The following SLC5A3 variants were observed in gnomAD, a reference collection of about 807,000 sequenced individuals.
SLC5A3 encodes the protein solute carrier family 5 member 3, also known as sodium/myo-inositol cotransporter.
Under a neutral mutation model 43.2 loss-of-function variants are expected in SLC5A3, and 10 were observed. The ratio of observed to expected loss-of-function variants is 0.23; its 90% CI spans 0.14 to 0.39. The LOEUF is 0.39. Among genes scored for constraint, SLC5A3 ranks in the 10% least tolerant of loss-of-function variants. The pLI is 1.00. For missense variants in SLC5A3, 608 were observed against 893.4 expected (o/e 0.68, Z 4.07); for synonymous variants, 349 against 322.0 (o/e 1.08, Z -0.90).
intron 1 of SLC5A3, 122 bp downstream of exon 1, chr21:34,073,867 C>T (rs1220050377): frequency 4.3e-6 from 2 of 465,908 alleles, no homozygotes; most frequent in Non-Finnish European, 5.8e-6. Flanking sequence ...CGGAGGAGGC[C>T]GGGGCGGCGG....
rs1979157648 is a variant in SLC5A3 at position 34,099,905 on chromosome 21, T to C, written c.*2550T>C. Reference sequence around the variant, plus strand: ...TAGATAATGTGCTCGAGTAAGTTTGTGAATTGCTGATTGCAACTTAATTCA... The same window carrying C: ...TAGATAATGTGCTCGAGTAAGTTTGCGAATTGCTGATTGCAACTTAATTCA... On this transcript the variant is annotated 3_prime_UTR_variant, in exon 2 of 2. Transcript: ENST00000381151. 2.9e-6 allele frequency: 1 copy of C among 347,864 alleles called. No homozygotes were observed. The highest frequency in any genetic ancestry group is 4.3e-6 in the Non-Finnish European group (1 of 234,040). 21.5% of individuals were successfully genotyped at this position (347,864 alleles called of 1,614,324 possible).
At position 34,098,617 on chromosome 21, in the gene SLC5A3, T is replaced by C. The variant is rs2148660406; in HGVS notation, c.*1262T>C. 1 of 1,000,294 alleles carries C rather than the reference T, an allele frequency of 1.0e-6. No homozygotes were observed. The highest frequency in any genetic ancestry group is 1.7e-5 in the African/African-American group (1 of 57,344). 62.0% of individuals were successfully genotyped at this position (1,000,294 alleles called of 1,614,324 possible). ...TGTTGTTAGGTTGTCAATATAGTCTTTCTGTAGGATGGATAGCATGTTTGA... is the reference window on the plus strand; with the variant it reads ...TGTTGTTAGGTTGTCAATATAGTCTCTCTGTAGGATGGATAGCATGTTTGA... On this transcript the variant is annotated 3_prime_UTR_variant, in exon 2 of 2. Coordinates refer to ENST00000381151, the MANE Select transcript of SLC5A3 (RefSeq NM_006933.7).
chr21:34,106,202 AATT>A lies in SLC5A3; in HGVS notation c.*8851_*8853del, dbSNP rs1438567789. 1.0e-6 allele frequency: 1 copy of A among 975,982 alleles called. No homozygotes were observed. The highest frequency in any genetic ancestry group is 1.8e-5 in the African/African-American group (1 of 56,764). 60.5% of individuals were successfully genotyped at this position (975,982 alleles called of 1,614,324 possible). On this transcript the variant is annotated 3_prime_UTR_variant, in exon 2 of 2. Coordinates refer to ENST00000381151, the MANE Select transcript of SLC5A3 (RefSeq NM_006933.7). ...TTTTGTCCTGTAACTGAAGTATAGT[AATT>A]ATTTTATGGAAATGTTAGCAATTCT... is the stretch of plus-strand genomic sequence containing the variant.
chr21:34,100,393 A>G lies in SLC5A3; in HGVS notation c.*3038A>G, dbSNP rs1979179716. ...CCCCAGAGAGTAAACACTTGAGCCGATTTCTTCTTCCCCAGCTATTCTTTC... is the reference window on the plus strand; with the variant it reads ...CCCCAGAGAGTAAACACTTGAGCCGGTTTCTTCTTCCCCAGCTATTCTTTC... On this transcript the variant is annotated 3_prime_UTR_variant, in exon 2 of 2. Coordinates refer to ENST00000381151, the MANE Select transcript of SLC5A3 (RefSeq NM_006933.7). 5.0e-6 allele frequency: 5 copies of G among 1,000,114 alleles called. No homozygotes were observed. The highest frequency in any genetic ancestry group is 6.0e-6 in the Non-Finnish European group (5 of 829,960). The allele number at this position is 1,000,114 out of a possible 1,614,324, so 62.0% of individuals were successfully genotyped here. A position where few individuals can be genotyped will look rare whatever the true frequency, so the allele number is the denominator to read the frequency against.
chr21:34,075,299 C>A (rs1989300966), intron 1 of SLC5A3, among the ~76,000 whole-genome samples: 1 of 152,180 alleles, frequency 6.6e-6, no homozygotes, highest in Non-Finnish European at 1.5e-5. Context: ...CATTCTGTAA[C>A]CCTTTGAAAC....
At chr21:34,074,004 C>A (rs1346330455) in intron 1 of SLC5A3, among the ~76,000 whole-genome samples, 1 of 145,892 alleles carries the variant, frequency 6.9e-6, no homozygotes, top group East Asian at 2.0e-4. Flanking sequence ...GCAAGCGGCC[C>A]GCCGGGCGGG....
Position 34,096,933 on chromosome 21 carries a change from A to G in SLC5A3, c.1735A>G (p.Asn579Asp). The change falls in exon 2 of 2, where the codon AAT becomes GAT. Residue 579 changes from asparagine (N) to aspartate (D), a missense_variant. Asn to Asp is a conservative substitution (Grantham distance 23). Around this residue, in one of 2 missense-constraint regions of SLC5A3, gnomAD observed 210 missense variants for 224.8 expected, o/e 0.93. Transcript: ENST00000381151. This position sits in a 1 kb window ranked among gnomAD's most constrained non-coding sequence, Gnocchi z 5.9. The part of the protein sequence containing the change: ...EKSILRCSEN[N>D]ETINHIIPNG... Reference sequence around the variant, plus strand: ...GAGCATTCTGAGATGCAGTGAGAATAATGAGACCATCAACCACATCATTCC... The same window carrying G: ...GAGCATTCTGAGATGCAGTGAGAATGATGAGACCATCAACCACATCATTCC... The G allele has an allele frequency of 1.9e-6, 3 of 1,614,126 alleles. No individual in the cohort carries two copies. The highest frequency in any genetic ancestry group is 2.5e-6 in the Non-Finnish European group (3 of 1,179,988).
chr21:34,076,161 CTA>C (rs1989325686), intron 1 of SLC5A3, among the ~76,000 whole-genome samples: 1 of 152,162 alleles, frequency 6.6e-6, no homozygotes, highest in Non-Finnish European at 1.5e-5. Flanking sequence ...AGTTAAGAAA[CTA>C]TAGTTTTCCA....
intron 1 of SLC5A3, among the ~76,000 whole-genome samples, chr21:34,086,928 C>G (rs1194692974): frequency 6.6e-6 from 1 of 152,182 alleles, no homozygotes; most frequent in East Asian, 1.9e-4. Flanking sequence ...GCTCTTTCAG[C>G]TGTGTGGGAA....
chr21:34,081,496 C>CT (rs1989458054), intron 1 of SLC5A3, among the ~76,000 whole-genome samples: 1 of 151,864 alleles, frequency 6.6e-6, no homozygotes, highest in Admixed American at 6.6e-5. Flanking sequence ...GTAGAAAAAC[C>CT]TTGTAAGATC....
In SLC5A3 at chr21:34,073,632, C is replaced by T. The variant is rs1043599074; in HGVS notation, c.-450C>T. On this transcript the variant is annotated 5_prime_UTR_variant, in exon 1 of 2. Transcript: ENST00000381151. ...AGCAGTTTCTAGGTCCCCACTGTCC[C>T]CGCCGTCCCGCCCCTTCGCGTCCCG... The T allele has an allele frequency of 4.6e-5, 64 of 1,397,160 alleles. No homozygotes were observed. Among genetic ancestry groups the T allele is most frequent in the Non-Finnish European group, 5.9e-5 (60 of 1,023,470 alleles). The allele number at this position is 1,397,160 out of a possible 1,614,324, so 86.5% of individuals were successfully genotyped here.
Position 34,073,699 on chromosome 21 carries a change from G to A in SLC5A3, c.-383G>A. 1.3e-6 allele frequency: 2 copies of A among 1,520,850 alleles called. No individual in the cohort carries two copies. The highest frequency in any genetic ancestry group is 1.9e-4 in the Middle Eastern group (1 of 5,166). 94.2% of individuals were successfully genotyped at this position (1,520,850 alleles called of 1,614,324 possible). A position where few individuals can be genotyped will look rare whatever the true frequency, so the allele number is the denominator to read the frequency against. On this transcript the variant is annotated 5_prime_UTR_variant, in exon 1 of 2. Transcript: ENST00000381151. ...CGAGCCGCACTCGCCGATCCTCCAG[G>A]CATGCCCCGCTACGAGCTGGCTTTA...
chr21:34,099,898 A>G lies in SLC5A3; in HGVS notation c.*2543A>G, dbSNP rs748779757. On this transcript the variant is annotated 3_prime_UTR_variant, in exon 2 of 2. Transcript: ENST00000381151. Reference sequence around the variant, plus strand: ...CCAGTAATAGATAATGTGCTCGAGTAAGTTTGTGAATTGCTGATTGCAACT... The same window carrying G: ...CCAGTAATAGATAATGTGCTCGAGTGAGTTTGTGAATTGCTGATTGCAACT... 2.9e-6 allele frequency: 1 copy of G among 347,510 alleles called. No homozygotes were observed. Among genetic ancestry groups the G allele is most frequent in the East Asian group, 1.7e-4 (1 of 5,950 alleles). 21.5% of individuals were successfully genotyped at this position (347,510 alleles called of 1,614,324 possible). A position where few individuals can be genotyped will look rare whatever the true frequency, so the allele number is the denominator to read the frequency against.
Position 34,101,417 on chromosome 21 carries a change from G to C in SLC5A3, c.*4062G>C. ...AGTAGAAAAATGCTTTGAGGCTTCA[G>C]TATTTGTAAGATTTTGCATTAGCCA... On this transcript the variant is annotated 3_prime_UTR_variant, in exon 2 of 2. Transcript: ENST00000381151. 1 of 1,000,168 alleles carries C rather than the reference G, an allele frequency of 1.0e-6. No individual in the cohort carries two copies. Among genetic ancestry groups the C allele is most frequent in the Non-Finnish European group, 1.2e-6 (1 of 829,940 alleles). 62.0% of individuals were successfully genotyped at this position (1,000,168 alleles called of 1,614,324 possible).
chr21:34,089,699 T>C (rs1978582233), intron 1 of SLC5A3, among the ~76,000 whole-genome samples: 2 of 152,188 alleles, frequency 1.3e-5, no homozygotes, highest in African/African-American at 4.8e-5. Context: ...AGTAGAGCTG[T>C]TCTGGTGGTA....
chr21:34,077,057 GC>G (rs929762763), intron 1 of SLC5A3, among the ~76,000 whole-genome samples: 1 of 152,140 alleles, frequency 6.6e-6, no homozygotes, highest in East Asian at 1.9e-4. Flanking sequence ...CCTCCACCCT[GC>G]CCCCCCTGCA....
chr21:34,088,692 G>T (rs1189326311), intron 1 of SLC5A3, among the ~76,000 whole-genome samples: 1 of 152,150 alleles, frequency 6.6e-6, no homozygotes, highest in African/African-American at 2.4e-5. Flanking sequence ...CAACATCCTG[G>T]CTGTAACACA....
chr21:34,100,815 A>G lies in SLC5A3; in HGVS notation c.*3460A>G. On this transcript the variant is annotated 3_prime_UTR_variant, in exon 2 of 2. Coordinates refer to ENST00000381151, the MANE Select transcript of SLC5A3 (RefSeq NM_006933.7). ...ATCTTCCCCTCTGACTTTGAATATC[A>G]TTTGGTGTGGCCTGTGGGTTATTTT... 1.0e-6 allele frequency: 1 copy of G among 1,000,224 alleles called. No individual in the cohort carries two copies. The highest frequency in any genetic ancestry group is 1.2e-6 in the Non-Finnish European group (1 of 829,980). 62.0% of individuals were successfully genotyped at this position (1,000,224 alleles called of 1,614,324 possible). A position where few individuals can be genotyped will look rare whatever the true frequency, so the allele number is the denominator to read the frequency against.
At chr21:34,091,551 AC>A (rs1157042911) in intron 1 of SLC5A3, among the ~76,000 whole-genome samples, 3 of 152,170 alleles carry the variant, frequency 2.0e-5, no homozygotes, top group Admixed American at 1.3e-4. Flanking sequence ...ATTTGGTCTT[AC>A]CTTTTTTTCT....
Sources: gnomAD v4.1 joint callset for allele counts (sites outside exome capture counted in the v4.1 genomes callset) on GRCh38, gnomAD v4.1.1 for gene constraint, gnomAD v4.1.1 regional missense constraint, Gnocchi (gnomAD v3.1) non-coding constraint, MANE v1.5 for transcripts, NCBI Gene and HGNC (gene_info 2026-07-23, HGNC 2026-07-21) for gene names.